Variants in SOX6 observed in about 807,000 individuals in gnomAD.
The protein encoded by SOX6 is transcription factor SOX-6.
SOX6 carries 11 observed loss-of-function variants against 97.8 expected under a neutral mutation model. That is an observed-to-expected ratio of 0.11 (90% CI 0.07 to 0.19). SOX6 has a LOEUF of 0.19. Among genes scored for constraint, SOX6 ranks in the 10% least tolerant of loss-of-function variants. The pLI is 1.00. For missense variants in SOX6, 810 were observed against 1,039.5 expected (o/e 0.78, Z 3.04); for synonymous variants, 360 against 371.4 (o/e 0.97, Z 0.35).
rs996665323 is a variant in SOX6, at chr11:16,624,604, T to G, written n.430-12344A>C. On this transcript the variant is annotated intron_variant and non_coding_transcript_variant, in intron 3 of 5. Transcript: ENST00000524520. ...AATAAAACTGCTATAAACATTCTTG[T>G]ACAAATGTTTTTGTAAACATGTTTT... 4.6e-5 allele frequency among the ~76,000 whole-genome samples: 7 copies of G among 152,348 alleles called. No individual in the cohort carries two copies. In the South Asian group the frequency reaches 1.4e-3, roughly 32 times the overall value.
rs188227609 is a variant in SOX6, at chr11:16,664,104, A to T, written n.429+50726T>A. The stretch of plus-strand genomic sequence containing the variant: ...ATAGCAAGACCTCATCTCTAAAAAC[A>T]AAACAAAACAAAAACAAACAAACAA... On this transcript the variant is annotated intron_variant and non_coding_transcript_variant, in intron 3 of 5. Transcript: ENST00000524520. 4.9e-3 allele frequency among the ~76,000 whole-genome samples: 750 copies of T among 152,254 alleles called. 4 individuals are homozygous for T. The highest frequency in any genetic ancestry group is 8.7e-3 in the Non-Finnish European group (591 of 68,020).
chr11:16,131,996 A>G (rs1051649592), intron 6 of SOX6, among the ~76,000 whole-genome samples: 1 of 151,906 alleles, frequency 6.6e-6, no homozygotes, highest in African/African-American at 2.4e-5. Context: ...GAATTCATCA[A>G]ACACTTAAAA....
chr11:16,180,011 C>T (rs1290636312), intron 6 of SOX6, among the ~76,000 whole-genome samples: 1 of 151,438 alleles, frequency 6.6e-6, no homozygotes, highest in East Asian at 1.9e-4. Context: ...TAAATGTGTT[C>T]CTATTGATGT....
intron 1 of SOX6, among the ~76,000 whole-genome samples, chr11:16,471,106 C>A (rs11023956): frequency 0.39 from 59,070 of 150,636 alleles, 11,767 homozygotes; most frequent in East Asian, 0.61. Flanking sequence ...TTTTTTAACC[C>A]ATCATTTACT....
chr11:16,102,461 A>G (rs537866590), intron 7 of SOX6, among the ~76,000 whole-genome samples: 3 of 152,136 alleles, frequency 2.0e-5, no homozygotes, highest in African/African-American at 7.2e-5. Flanking sequence ...GCCAAAAGCA[A>G]TCTACAAATT....
intron 6 of SOX6, among the ~76,000 whole-genome samples, chr11:16,146,706 AC>A: frequency 6.6e-6 from 1 of 152,336 alleles, no homozygotes; most frequent in Non-Finnish European, 1.5e-5. Context: ...ATGAACAGAC[AC>A]TTCTCAAAAG....
At chr11:15,982,780 AT>A (rs1461648933) in intron 15 of SOX6, among the ~76,000 whole-genome samples, 1 of 152,030 alleles carries the variant, frequency 6.6e-6, no homozygotes, top group African/African-American at 2.4e-5. Flanking sequence ...TTTAAAAAAT[AT>A]TTTTGATCCA....
intron 1 of SOX6, among the ~76,000 whole-genome samples, chr11:16,398,420 A>G (rs748620937): frequency 1.6e-4 from 24 of 151,506 alleles, no homozygotes; most frequent in Non-Finnish European, 3.1e-4. Flanking sequence ...GTGAATAAGC[A>G]AGTCCTATTC....
Position 16,341,057 on chromosome 11 carries a change from T to C in SOX6, c.192A>G (p.Gln64=), listed in dbSNP as rs746284279. The change falls in exon 2 of 16, where the codon CAA becomes CAG. Residue 64 remains glutamine, a synonymous_variant. Coordinates refer to ENST00000683767, the MANE Select transcript of SOX6 (RefSeq NM_001367873.1). ...EELPTLVSTI[Q]QDADWDSVLS... ...GAACGCTGTCCCAGTCAGCATCTTG[T>C]TGAATGGTACTGACAAGTGTTGGTA... The C allele has an allele frequency of 4.3e-6, 7 of 1,613,480 alleles. No individual in the cohort carries two copies. The highest frequency in any genetic ancestry group is 5.9e-6 in the Non-Finnish European group (7 of 1,179,556).
intron 1 of SOX6, among the ~76,000 whole-genome samples, chr11:16,347,060 T>A (rs1399820366): frequency 2.0e-5 from 3 of 152,154 alleles, no homozygotes; most frequent in Non-Finnish European, 4.4e-5. Context: ...AGAGCTCATA[T>A]GTCTTGGAAT....
intron 3 of SOX6, among the ~76,000 whole-genome samples, chr11:16,271,580 A>T (rs1225366391): frequency 6.6e-6 from 1 of 151,374 alleles, no homozygotes; most frequent in Non-Finnish European, 1.5e-5. Context: ...TAACAGAGTC[A>T]ATTTTGGTTA....
At chr11:16,261,195 C>T (rs2134213985) in intron 3 of SOX6, among the ~76,000 whole-genome samples, 1 of 152,250 alleles carries the variant, frequency 6.6e-6, no homozygotes, top group South Asian at 2.1e-4. Context: ...AGAAATCCAT[C>T]TGTCTTGCTC....
At chr11:16,023,800 T>C (rs1855139702) in intron 12 of SOX6, among the ~76,000 whole-genome samples, 1 of 152,182 alleles carries the variant, frequency 6.6e-6, no homozygotes, top group Non-Finnish European at 1.5e-5. Flanking sequence ...TAATTCCTCC[T>C]GAGAAACAAG....
At chr11:16,470,184 G>A (rs541082095) in intron 1 of SOX6, among the ~76,000 whole-genome samples, 22 of 152,132 alleles carry the variant, frequency 1.4e-4, no homozygotes, top group African/African-American at 4.6e-4. Context: ...TGCTTTCATG[G>A]GGCAGCTCCC....
intron 6 of SOX6, among the ~76,000 whole-genome samples, chr11:16,135,947 A>G (rs1285254698): frequency 2.6e-5 from 4 of 152,180 alleles, no homozygotes; most frequent in African/African-American, 9.7e-5. Context: ...TTTAACAACC[A>G]CCACCCTGAC....
At chr11:16,427,032 C>A (rs550157084) in intron 1 of SOX6, among the ~76,000 whole-genome samples, 1 of 151,644 alleles carries the variant, frequency 6.6e-6, no homozygotes, top group South Asian at 2.1e-4. Context: ...TGGAAGACAA[C>A]CTAGGCAATA....
rs1853230433 is a variant in SOX6, at chr11:15,969,099, G to T, written c.*3710C>A. 1 of 135,310 alleles carries T rather than the reference G, an allele frequency of 7.4e-6. No homozygotes were observed. 8.4% of individuals were successfully genotyped at this position (135,310 alleles called of 1,614,324 possible). A position where few individuals can be genotyped will look rare whatever the true frequency, so the allele number is the denominator to read the frequency against. On this transcript the variant is annotated 3_prime_UTR_variant, in exon 16 of 16. Coordinates refer to ENST00000683767, the MANE Select transcript of SOX6 (RefSeq NM_001367873.1). Reference sequence around the variant, plus strand: ...TTTTTTTTTTTTTTTTTTTTTGGGAGAGGATTGCCTGGCAGTGTCCCAATT... The same window carrying T: ...TTTTTTTTTTTTTTTTTTTTTGGGATAGGATTGCCTGGCAGTGTCCCAATT...
rs1857218997 is a variant in SOX6, at chr11:16,361,898, T to C, written c.-4-20646A>G. 3.3e-5 allele frequency among the ~76,000 whole-genome samples: 5 copies of C among 152,214 alleles called. No homozygotes were observed. The South Asian group carries it at 1.0e-3, about 32-fold the overall frequency. On this transcript the variant is annotated intron_variant, in intron 1 of 15. Transcript: ENST00000396356. ...ACTTCAAAATCATGAAAACTAGACG[T>C]AAGTGCTATATGCTTGTATGTTATT...
At chr11:15,978,684 C>T (rs1481479528) in intron 15 of SOX6, among the ~76,000 whole-genome samples, 1 of 149,030 alleles carries the variant, frequency 6.7e-6, no homozygotes, top group Non-Finnish European at 1.5e-5. Flanking sequence ...GACAACGTCC[C>T]AATTTATATC....
Sources: gnomAD v4.1 joint callset for allele counts (sites outside exome capture counted in the v4.1 genomes callset) on GRCh38, gnomAD v4.1.1 for gene constraint, MANE v1.5 for transcripts, NCBI Gene and HGNC (gene_info 2026-07-23, HGNC 2026-07-21) for gene names.